Variants in PLOD2 observed in about 807,000 individuals in gnomAD.
PLOD2 encodes procollagen-lysine,2-oxoglutarate 5-dioxygenase 2.
In PLOD2, 65 loss-of-function variants were observed where a neutral mutation model predicts 101.0. The observed-to-expected ratio is 0.64, with a 90% CI of 0.53 to 0.79. PLOD2 has a LOEUF of 0.79. PLOD2 is among the 30% of genes least tolerant of loss of function. PLOD2 has a pLI of 0.00. For synonymous variants in PLOD2, 314 were observed against 302.9 expected (o/e 1.04, Z -0.38); for missense variants, 909 against 914.6 (o/e 0.99, Z 0.08).
intron 1 of PLOD2, among the ~76,000 whole-genome samples, chr3:146,151,937 A>G (rs1203737648): frequency 6.6e-6 from 1 of 152,238 alleles, no homozygotes; most frequent in Non-Finnish European, 1.5e-5. Context: ...ATACATTTGC[A>G]TCTAAAAATT....
intron 3 of PLOD2, among the ~76,000 whole-genome samples, chr3:146,119,319 C>T (rs923423731): frequency 3.9e-5 from 6 of 152,126 alleles, no homozygotes; most frequent in African/African-American, 1.4e-4. Flanking sequence ...GTTTCCTGTA[C>T]AGCCTGTGAA....
chr3:146,095,047 T>A (rs911291132), intron 7 of PLOD2, among the ~76,000 whole-genome samples: 2 of 151,936 alleles, frequency 1.3e-5, no homozygotes, highest in African/African-American at 4.8e-5. Flanking sequence ...GACCTCTTCC[T>A]CACACCTTAT....
intron 1 of PLOD2, among the ~76,000 whole-genome samples, chr3:146,139,710 T>G (rs1358946868): frequency 6.6e-6 from 1 of 152,074 alleles, no homozygotes; most frequent in Non-Finnish European, 1.5e-5. Flanking sequence ...TAAAATAAAA[T>G]CAAGCCAACA....
At chr3:146,093,994 T>A (rs1937064110) in intron 7 of PLOD2, among the ~76,000 whole-genome samples, 1 of 152,104 alleles carries the variant, frequency 6.6e-6, no homozygotes, top group African/African-American at 2.4e-5. Context: ...CAGGCAGAGG[T>A]TATCCACCAT....
chr3:146,137,143 A>C (rs982971395), intron 1 of PLOD2, among the ~76,000 whole-genome samples: 12 of 152,194 alleles, frequency 7.9e-5, no homozygotes, highest in Non-Finnish European at 1.3e-4. Flanking sequence ...TTTTTTAAAA[A>C]AGATGGAATT....
intron 1 of PLOD2, among the ~76,000 whole-genome samples, chr3:146,146,296 G>A (rs998566347): frequency 6.6e-6 from 1 of 152,022 alleles, no homozygotes; most frequent in African/African-American, 2.4e-5. Flanking sequence ...AAATATTAAA[G>A]GTGCATTTCT....
chr3:146,081,649 G>C, intron 12 of PLOD2, 89 bp downstream of exon 12: 1 of 1,100,952 alleles, frequency 9.1e-7, no homozygotes, highest in Non-Finnish European at 1.4e-6. Context: ...GAAAAGAGAT[G>C]AATGCAAAAA....
At chr3:146,132,740 TTCTAGTAGCTAG>T in intron 1 of PLOD2, among the ~76,000 whole-genome samples, 1 of 152,196 alleles carries the variant, frequency 6.6e-6, no homozygotes, top group Non-Finnish European at 1.5e-5. Context: ...GATCAAGAAT[TTCTAGTAGCTAG>T]TAACTTTCAA....
intron 6 of PLOD2, among the ~76,000 whole-genome samples, chr3:146,103,460 A>AT (rs754846765): frequency 0.043 from 6,043 of 141,578 alleles, 356 homozygotes; most frequent in African/African-American, 0.14. Flanking sequence ...CATTGTGGGA[A>AT]TTTTTTTTTT....
At chr3:146,121,272 T>A in intron 2 of PLOD2, 24 bp from the exon 3 acceptor site, 7 of 1,608,100 alleles carry the variant, frequency 4.4e-6, no homozygotes, top group Non-Finnish European at 6.0e-6. Context: ...CAACATTTCA[T>A]TCCTGAGCAA....
Position 146,097,824 on chromosome 3 carries a change from TAA to T in PLOD2, c.777+4929_777+4930del, listed in dbSNP as rs1161133878. On this transcript the variant is annotated intron_variant, in intron 7 of 19. Transcript: ENST00000282903. ...AAAAAAATAATAATAATAATAATAA[TAA>T]AAAAAGAAAATGTGGCATATATACA... Among the ~76,000 whole-genome samples, 198 of 144,884 alleles carry T rather than the reference TAA, an allele frequency of 1.4e-3. 2 individuals carry two copies. Among genetic ancestry groups the T allele is most frequent in the African/African-American group, 4.2e-3 (167 of 39,342 alleles).
intron 15 of PLOD2, among the ~76,000 whole-genome samples, chr3:146,075,075 G>A (rs1936283134): frequency 6.6e-6 from 1 of 151,558 alleles, no homozygotes; most frequent in East Asian, 1.9e-4. Flanking sequence ...AAGACACCAA[G>A]AGATTCAATG....
At chr3:146,160,194 C>T (rs76160069) in intron 1 of PLOD2, among the ~76,000 whole-genome samples, 1,754 of 152,298 alleles carry the variant, frequency 0.012, 23 homozygotes, top group South Asian at 0.065. Flanking sequence ...GTGAAACTCT[C>T]TTTAATCTGG....
chr3:146,103,312 T>C (rs1681034383), intron 6 of PLOD2, among the ~76,000 whole-genome samples: 1 of 152,200 alleles, frequency 6.6e-6, no homozygotes, highest in Admixed American at 6.5e-5. Context: ...AAGCAAGGGT[T>C]CTACAATTGG....
intron 1 of PLOD2, among the ~76,000 whole-genome samples, chr3:146,127,957 G>A (rs939064717): frequency 1.3e-5 from 2 of 152,120 alleles, no homozygotes; most frequent in Non-Finnish European, 2.9e-5. Context: ...AGTATGGAAA[G>A]TTATCAAATA....
chr3:146,105,830 G>C (rs983720080), intron 5 of PLOD2, among the ~76,000 whole-genome samples: 25 of 152,276 alleles, frequency 1.6e-4, no homozygotes, highest in African/African-American at 5.8e-4. Flanking sequence ...AAGAAGCTCA[G>C]AGAGGTACAA....
At chr3:146,113,118 A>T (rs183518430) in intron 3 of PLOD2, among the ~76,000 whole-genome samples, 5 of 152,342 alleles carry the variant, frequency 3.3e-5, no homozygotes, top group African/African-American at 1.2e-4. Context: ...AGTTGTTTGA[A>T]AAAGAGTTAT....
At chr3:146,145,812 T>C (rs2031748205) in intron 1 of PLOD2, among the ~76,000 whole-genome samples, 1 of 152,142 alleles carries the variant, frequency 6.6e-6, no homozygotes, top group Non-Finnish European at 1.5e-5. Context: ...GCCCCACTTT[T>C]ATCTCAGAAA....
chr3:146,126,742 T>C (rs2030586895), intron 1 of PLOD2, among the ~76,000 whole-genome samples: 1 of 152,160 alleles, frequency 6.6e-6, no homozygotes, highest in Non-Finnish European at 1.5e-5. Context: ...GTGAGAAAAT[T>C]AGAGAAATTT....
Sources: gnomAD v4.1 joint callset for allele counts (sites outside exome capture counted in the v4.1 genomes callset) on GRCh38, gnomAD v4.1.1 for gene constraint, MANE v1.5 for transcripts, NCBI Gene and HGNC (gene_info 2026-07-23, HGNC 2026-07-21) for gene names.